MME: variants seen among roughly 807,000 people sequenced by gnomAD.
MME encodes the protein neprilysin.
In MME, 98 loss-of-function variants were observed where a neutral mutation model predicts 113.2. The observed-to-expected ratio is 0.87, with a 90% confidence interval of 0.74 to 1.02. The LOEUF (loss-of-function observed/expected upper bound fraction) is 1.02. Ranked by LOEUF, MME falls within the 50% of genes least tolerant of loss-of-function variation. The pLI is 0.00. For missense variants in MME, 836 were observed against 896.0 expected, an observed-to-expected ratio of 0.93 and a Z score of 0.86; for synonymous variants, 292 against 300.6, an observed-to-expected ratio of 0.97 and a Z score of 0.30.
At chr3:155,165,071 T>C (rs1188161063) in intron 17 of MME, among the ~76,000 whole-genome samples, 2 of 152,188 alleles carry the variant, frequency 1.3e-5, no homozygotes, top group Admixed American at 6.6e-5. Flanking sequence ...CCTTGTTTTA[T>C]TTTCTTAATG....
intron 22 of MME, among the ~76,000 whole-genome samples, chr3:155,176,554 G>T (rs1712536438): frequency 6.6e-6 from 1 of 152,122 alleles, no homozygotes; most frequent in Non-Finnish European, 1.5e-5. Flanking sequence ...GCCTGGCACA[G>T]TCACTCACAC....
At chr3:155,039,485 A>T (rs950216295) in intron 1 of MME, among the ~76,000 whole-genome samples, 4 of 152,228 alleles carry the variant, frequency 2.6e-5, no homozygotes, top group African/African-American at 9.6e-5. Flanking sequence ...GATACTGAAT[A>T]AGTACCCTTC....
Position 155,138,086 on chromosome 3 carries a change from T to C in MME, c.721-16T>C, listed in dbSNP as rs201238968. 13 of 1,613,444 alleles carry C rather than the reference T, an allele frequency of 8.1e-6. No homozygotes were observed. The highest frequency in any genetic ancestry group is 1.1e-5 in the Non-Finnish European group (13 of 1,179,494). On this transcript the variant is annotated splice_polypyrimidine_tract_variant and intron_variant, in intron 8 of 22. Coordinates refer to ENST00000360490, the MANE Select transcript of MME (RefSeq NM_007289.4). ...TAGAGCTACTCCAACAGTTTAGTGC[T>C]ATTTTTTTCTTGCAGGCTTGTACAG...
intron 4 of MME, 63 bp from the exon 5 acceptor site, chr3:155,116,416 T>C: frequency 8.3e-7 from 1 of 1,210,902 alleles, no homozygotes; most frequent in Non-Finnish European, 1.2e-6. Context: ...AAATGAGCAA[T>C]TATGTTTGCA....
chr3:155,128,804 A>G (rs1010514220), intron 8 of MME, among the ~76,000 whole-genome samples: 24 of 152,150 alleles, frequency 1.6e-4, no homozygotes, highest in Non-Finnish European at 7.3e-5. Flanking sequence ...CAAATGAATG[A>G]TTGAGGGGGA....
At chr3:155,153,054 T>TA (rs1283088047) in intron 16 of MME, among the ~76,000 whole-genome samples, 1 of 151,254 alleles carries the variant, frequency 6.6e-6, no homozygotes, top group Non-Finnish European at 1.5e-5. Context: ...TTTTTTTTTT[T>TA]AAGACGGAGT....
At chr3:155,159,052 T>C (rs1175846158) in intron 16 of MME, 2 of 152,116 alleles carry the variant, frequency 1.3e-5, no homozygotes, top group African/African-American at 4.8e-5. Context: ...TAAAAAGTCT[T>C]GATAAGTTGT....
intron 3 of MME, among the ~76,000 whole-genome samples, chr3:155,095,916 A>G (rs1163378983): frequency 6.6e-6 from 1 of 152,210 alleles, no homozygotes; most frequent in Non-Finnish European, 1.5e-5. Flanking sequence ...GGGAGTGGGC[A>G]GCTAAAGTGA....
chr3:155,111,245 G>A (rs1208182275), intron 3 of MME, among the ~76,000 whole-genome samples: 6 of 152,182 alleles, frequency 3.9e-5, no homozygotes, highest in Admixed American at 1.3e-4. Flanking sequence ...CACGATAAGA[G>A]ATTAAAGGAA....
intron 3 of MME, among the ~76,000 whole-genome samples, chr3:155,096,582 G>C (rs1311159256): frequency 1.3e-5 from 2 of 152,206 alleles, no homozygotes; most frequent in African/African-American, 2.4e-5. Context: ...GACTTTATCA[G>C]AATTATTGAG....
intron 17 of MME, among the ~76,000 whole-genome samples, chr3:155,161,024 C>T (rs1160777496): frequency 1.3e-5 from 2 of 152,014 alleles, no homozygotes; most frequent in East Asian, 1.9e-4. Flanking sequence ...GAAAAAATTT[C>T]GTAAGTTCGC....
chr3:155,072,278 A>T (rs907506021), intron 1 of MME, among the ~76,000 whole-genome samples: 3 of 151,708 alleles, frequency 2.0e-5, no homozygotes, highest in African/African-American at 7.3e-5. Context: ...CACAGGCATT[A>T]TAACGGACAC....
rs1193778403 is a variant in MME at position 155,118,734 on chromosome 3, TA to T, written c.655-11del. On this transcript the variant is annotated splice_polypyrimidine_tract_variant and intron_variant, in intron 7 of 22. Transcript: ENST00000360490. ...TGAATGATTTATTTTCTTTTATGTA[TA>T]TTTTTTATAGATTGACCAACCTCGA... 20 of 1,524,474 alleles carry T rather than the reference TA, an allele frequency of 1.3e-5. No homozygotes were observed. The highest frequency in any genetic ancestry group is 1.7e-5 in the Non-Finnish European group (19 of 1,104,524). The allele number at this position is 1,524,474 out of a possible 1,614,324, so 94.4% of individuals were successfully genotyped here.
chr3:155,166,268 G>A (rs1333677196), intron 17 of MME, among the ~76,000 whole-genome samples: 1 of 152,134 alleles, frequency 6.6e-6, no homozygotes, highest in Non-Finnish European at 1.5e-5. Flanking sequence ...TAATATTTGA[G>A]GAGCTGGGGT....
chr3:155,044,840 C>T (rs561279747), intron 1 of MME, among the ~76,000 whole-genome samples: 19 of 151,976 alleles, frequency 1.3e-4, no homozygotes, highest in African/African-American at 2.9e-4. Context: ...CTGCACTTGA[C>T]GAAGAAGTAG....
At chr3:155,060,271 T>A (rs547470203) in intron 1 of MME, among the ~76,000 whole-genome samples, 15 of 152,288 alleles carry the variant, frequency 9.8e-5, no homozygotes, top group Middle Eastern at 3.4e-3. Flanking sequence ...TTATTAAAGA[T>A]CCTTCTTGCT....
chr3:155,163,520 C>T (rs1050607036), intron 17 of MME, among the ~76,000 whole-genome samples: 2 of 152,184 alleles, frequency 1.3e-5, no homozygotes, highest in African/African-American at 4.8e-5. Context: ...TGTGCCATGA[C>T]ATTAGGAAAG....
intron 1 of MME, among the ~76,000 whole-genome samples, chr3:155,050,481 C>T (rs1713723842): frequency 6.6e-6 from 1 of 152,138 alleles, no homozygotes; most frequent in Non-Finnish European, 1.5e-5. Context: ...TCCCTGCAAC[C>T]TTGCCAGTAT....
chr3:155,040,331 T>G (rs891066734), intron 1 of MME, among the ~76,000 whole-genome samples: 2 of 152,266 alleles, frequency 1.3e-5, no homozygotes, highest in Admixed American at 1.3e-4. Flanking sequence ...CAACCAAACA[T>G]GTGCCCAGAC....
Sources: allele counts gnomAD v4.1 joint callset (sites outside exome capture counted in the v4.1 genomes callset), GRCh38; gene constraint gnomAD v4.1.1; transcripts MANE v1.5; gene names NCBI Gene and HGNC (gene_info 2026-07-23, HGNC 2026-07-21).